ISCA2: variants seen among roughly 807,000 people sequenced by gnomAD.
ISCA2 encodes iron-sulfur cluster assembly 2, also known as iron-sulfur cluster assembly 2 homolog, mitochondrial.
In ISCA2, 21 loss-of-function variants were observed where a neutral mutation model predicts 19.1. The observed-to-expected ratio is 1.10, with a 90% CI of 0.78 to 1.59. The LOEUF is 1.59. Ranked by LOEUF, ISCA2 falls within the 40% of genes most tolerant of loss-of-function variation. ISCA2 has a pLI of 0.00. For synonymous variants in ISCA2, 107 were observed against 83.8 expected (o/e 1.28, Z -1.51); for missense variants, 181 against 191.7 (o/e 0.94, Z 0.33).
chr14:74,494,029 A>C (rs1356787345), intron 1 of ISCA2, 21 bp from the exon 2 acceptor site: 4 of 1,526,634 alleles, frequency 2.6e-6, no homozygotes, highest in Non-Finnish European at 3.5e-6. Flanking sequence ...TCCCGGGCTC[A>C]CCCTCCTCCC....
chr14:74,495,163 A>T lies in ISCA2; in HGVS notation c.*163A>T. On this transcript the variant is annotated 3_prime_UTR_variant, in exon 4 of 4. Coordinates refer to ENST00000556816, the MANE Select transcript of ISCA2 (RefSeq NM_194279.4). Reference sequence around the variant, plus strand: ...CCACTATTATTTTCAGAATGTGAAGATTTTACTCTTGGCTTAATTTTTCCC... The same window carrying T: ...CCACTATTATTTTCAGAATGTGAAGTTTTTACTCTTGGCTTAATTTTTCCC... 1 of 608,398 alleles carries T rather than the reference A, an allele frequency of 1.6e-6. No individual in the cohort carries two copies. 37.7% of individuals were successfully genotyped at this position (608,398 alleles called of 1,614,324 possible). A position where few individuals can be genotyped will look rare whatever the true frequency, so the allele number is the denominator to read the frequency against.
At position 74,496,435 on chromosome 14, in the gene ISCA2, G is replaced by A. The variant is rs2086847160; in HGVS notation, c.*1435G>A. Reference sequence around the variant, plus strand: ...ATCATGCGGTTAGAGGAGAGAAGGGGACACTCAGAAACCTGAGCACATTTC... The same window carrying A: ...ATCATGCGGTTAGAGGAGAGAAGGGAACACTCAGAAACCTGAGCACATTTC... On this transcript the variant is annotated 3_prime_UTR_variant, in exon 4 of 4. Coordinates refer to ENST00000556816, the MANE Select transcript of ISCA2 (RefSeq NM_194279.4). The A allele has an allele frequency of 6.6e-6, 1 of 152,192 alleles. No individual in the cohort carries two copies. Among genetic ancestry groups the A allele is most frequent in the Non-Finnish European group, 1.5e-5 (1 of 68,034 alleles). 9.4% of individuals were successfully genotyped at this position (152,192 alleles called of 1,614,324 possible).
chr14:74,494,194 C>A, intron 2 of ISCA2, 42 bp downstream of exon 2: 1 of 1,564,818 alleles, frequency 6.4e-7, no homozygotes, highest in Non-Finnish European at 8.7e-7. Context: ...AGGCGATTGG[C>A]GGGAGCAGCG....
Position 74,494,771 on chromosome 14 carries a change from G to A in ISCA2, c.291-55G>A, listed in dbSNP as rs2086827778. On this transcript the variant is annotated intron_variant, in intron 3 of 3. Coordinates refer to ENST00000556816, the MANE Select transcript of ISCA2 (RefSeq NM_194279.4). ...GAGGATGTGCACCTCTGGGCTCAGG[G>A]GGTGTCTTTTTTGTGTTTGCGATAC... 4 of 1,501,084 alleles carry A rather than the reference G, an allele frequency of 2.7e-6. No individual in the cohort carries two copies. In the Admixed American group the frequency reaches 7.1e-5, roughly 27 times the overall value. 93.0% of individuals were successfully genotyped at this position (1,501,084 alleles called of 1,614,324 possible).
Position 74,495,275 on chromosome 14 carries a change from C to A in ISCA2, c.*275C>A. On this transcript the variant is annotated 3_prime_UTR_variant, in exon 4 of 4. Coordinates refer to ENST00000556816, the MANE Select transcript of ISCA2 (RefSeq NM_194279.4). ...AACTCCGTATAATCTGTAGAGCCTCCATGGCTCTAAAATTTGGAATTAACT... is the reference window on the plus strand; with the variant it reads ...AACTCCGTATAATCTGTAGAGCCTCAATGGCTCTAAAATTTGGAATTAACT... 3.1e-6 allele frequency: 1 copy of A among 323,454 alleles called. No individual in the cohort carries two copies. The highest frequency in any genetic ancestry group is 6.8e-5 in the South Asian group (1 of 14,720). 20.0% of individuals were successfully genotyped at this position (323,454 alleles called of 1,614,324 possible).
Position 74,494,942 on chromosome 14 carries a change from A to G in ISCA2, c.407A>G (p.Asn136Ser). The stretch of plus-strand genomic sequence containing the variant: ...ATCCGAAGCTCATTTCAAGTGTTGA[A>G]CAATCCTCAAGCACAGCAAGGCTGC... ...ELIRSSFQVL[N>S]NPQAQQGCSC... The change falls in exon 4 of 4, where the codon AAC becomes AGC. Residue 136 changes from asparagine (N) to serine (S), a missense_variant. Physicochemically the swap from Asn to Ser is conservative, Grantham distance 46 (BLOSUM62 1). Coordinates refer to ENST00000556816, the MANE Select transcript of ISCA2 (RefSeq NM_194279.4). The G allele has an allele frequency of 6.2e-7, 1 of 1,613,924 alleles. No individual in the cohort carries two copies. The highest frequency in any genetic ancestry group is 8.5e-7 in the Non-Finnish European group (1 of 1,180,004).
At position 74,496,880 on chromosome 14, in the gene ISCA2, C is replaced by G. The variant is rs989225655; in HGVS notation, c.*1880C>G. 2 of 147,062 alleles carry G rather than the reference C, an allele frequency of 1.4e-5. No individual in the cohort carries two copies. The highest frequency in any genetic ancestry group is 3.0e-5 in the Non-Finnish European group (2 of 66,280). 9.1% of individuals were successfully genotyped at this position (147,062 alleles called of 1,614,324 possible). On this transcript the variant is annotated 3_prime_UTR_variant, in exon 4 of 4. Transcript: ENST00000556816. ...CCTGTGATCCCAGCACTTTGGGAGG[C>G]CAAAGCAGGCAGATCACCTGAGGTC...
rs188369908 is a variant in ISCA2, at chr14:74,495,022, G to A, written c.*22G>A. 7 of 1,572,346 alleles carry A rather than the reference G, an allele frequency of 4.5e-6. No homozygotes were observed. The Admixed American group carries it at 8.4e-5, about 19-fold the overall frequency. ...TTGATGTGATGACTGGTGACTCTGGGATTGTCACCAGTTGTACCAATTTGA... is the reference window on the plus strand; with the variant it reads ...TTGATGTGATGACTGGTGACTCTGGAATTGTCACCAGTTGTACCAATTTGA... On this transcript the variant is annotated 3_prime_UTR_variant, in exon 4 of 4. Coordinates refer to ENST00000556816, the MANE Select transcript of ISCA2 (RefSeq NM_194279.4).
rs2086809725 is a variant in ISCA2, at chr14:74,493,791, G to A, written c.17G>A (p.Gly6Glu). The A allele has an allele frequency of 2.0e-6, 3 of 1,533,268 alleles. No homozygotes were observed. The highest frequency in any genetic ancestry group is 4.8e-5 in the Admixed American group (2 of 41,460). 95.0% of individuals were successfully genotyped at this position (1,533,268 alleles called of 1,614,324 possible). ...TGGAGGAAGATGGCTGCCGCCTGGG[G>A]GTCGTCCCTAACGGCCGCGACGCAG... Reference protein sequence around the residue: MAAAWGSSLTAATQRA... With the variant: MAAAWESSLTAATQRA... Residue 6 changes from glycine to glutamate, a missense_variant, in exon 1 of 4, where the codon GGG becomes GAG. Coordinates refer to ENST00000556816, the MANE Select transcript of ISCA2 (RefSeq NM_194279.4). The surrounding 1 kb of genome is among the most constrained non-coding windows in gnomAD (Gnocchi z 4.1).
chr14:74,494,182 C>G, intron 2 of ISCA2, 30 bp downstream of exon 2: 2 of 1,587,254 alleles, frequency 1.3e-6, no homozygotes, highest in South Asian at 1.1e-5. Context: ...GCGGCGGTAC[C>G]CAGGCGATTG....
chr14:74,495,086 A>AG lies in ISCA2; in HGVS notation c.*86_*87insG. 8 of 967,670 alleles carry AG rather than the reference A, an allele frequency of 8.3e-6. No homozygotes were observed. Among genetic ancestry groups the AG allele is most frequent in the Non-Finnish European group, 1.3e-5 (8 of 632,840 alleles). 59.9% of individuals were successfully genotyped at this position (967,670 alleles called of 1,614,324 possible). A position where few individuals can be genotyped will look rare whatever the true frequency, so the allele number is the denominator to read the frequency against. On this transcript the variant is annotated 3_prime_UTR_variant, in exon 4 of 4. Coordinates refer to ENST00000556816, the MANE Select transcript of ISCA2 (RefSeq NM_194279.4). ...AGTAGAATTCTAGAAGTTTACTTCTAATCATGTCCCTCTCAATTTTATTTC... is the reference window on the plus strand; with the variant it reads ...AGTAGAATTCTAGAAGTTTACTTCTAGATCATGTCCCTCTCAATTTTATTTC...
intron 3 of ISCA2, 122 bp downstream of exon 3, chr14:74,494,512 C>T: frequency 1.4e-6 from 1 of 722,432 alleles, no homozygotes; most frequent in South Asian, 1.7e-5. Flanking sequence ...CCGCCCGTCT[C>T]ACAGTGAGGA....
rs376944206 is a variant in ISCA2 at position 74,494,268 on chromosome 14, A to C, written c.175-7A>C. The stretch of plus-strand genomic sequence containing the variant: ...CGCTATTCTTGATCCCCCTTCCTGC[A>C]TTTCAGAGGCTTTTGGAAATCACCG... On this transcript the variant is annotated splice_region_variant and splice_polypyrimidine_tract_variant and intron_variant, in intron 2 of 3. Transcript: ENST00000556816. 3 of 1,612,510 alleles carry C rather than the reference A, an allele frequency of 1.9e-6. No homozygotes were observed. The highest frequency in any genetic ancestry group is 2.5e-6 in the Non-Finnish European group (3 of 1,178,640).
chr14:74,494,145 GC>G lies in ISCA2; in HGVS notation c.168del (p.Cys56TrpfsTer61). 1 of 1,588,842 alleles carries G rather than the reference GC, an allele frequency of 6.3e-7. No individual in the cohort carries two copies. Among genetic ancestry groups the G allele is most frequent in the Non-Finnish European group, 8.6e-7 (1 of 1,167,936 alleles). ...GEGQIRLTDS[C>X]VQRLLEITEG... Reference sequence around the variant, plus strand: ...GGGCAGATCCGCCTCACAGACAGTTGCGTCCAGGTAGGAGGCCGGACGCGGA... The same window carrying G: ...GGGCAGATCCGCCTCACAGACAGTTGGTCCAGGTAGGAGGCCGGACGCGGA... On this transcript the variant is annotated frameshift_variant, in exon 2 of 4. Coordinates refer to ENST00000556816, the MANE Select transcript of ISCA2 (RefSeq NM_194279.4). LOFTEE classifies it high-confidence loss of function.
rs996954656 is a variant in ISCA2, at chr14:74,496,248, G to T, written c.*1248G>T. On this transcript the variant is annotated 3_prime_UTR_variant, in exon 4 of 4. Transcript: ENST00000556816. ...CTTTTGCTTGGGAGCCTAGAAGTTT[G>T]TTACAGTAAAGACTTGCATTTCTGC... The T allele has an allele frequency of 3.9e-5, 6 of 152,176 alleles. No homozygotes were observed. The highest frequency in any genetic ancestry group is 1.4e-4 in the African/African-American group (6 of 41,436). 9.4% of individuals were successfully genotyped at this position (152,176 alleles called of 1,614,324 possible). A position where few individuals can be genotyped will look rare whatever the true frequency, so the allele number is the denominator to read the frequency against.
At position 74,494,097 on chromosome 14, in the gene ISCA2, C is replaced by T. The variant is rs1351959603; in HGVS notation, c.119C>T (p.Ser40Phe). 4 of 1,569,892 alleles carry T rather than the reference C, an allele frequency of 2.5e-6. No individual in the cohort carries two copies. Among genetic ancestry groups the T allele is most frequent in the South Asian group, 2.3e-5 (2 of 86,596 alleles). ...CCCCAGGCGCGTCGGGAGGCGTCGTCCTCCAGCCCCGAGGCCGGCGAAGGG... is the reference window on the plus strand; with the variant it reads ...CCCCAGGCGCGTCGGGAGGCGTCGTTCTCCAGCCCCGAGGCCGGCGAAGGG... ...LGPQARREAS[S>F]SSPEAGEGQI... The change falls in exon 2 of 4, where the codon TCC (serine) becomes TTC (phenylalanine). Residue 40 changes from serine (S) to phenylalanine (F), a missense_variant. Coordinates refer to ENST00000556816, the MANE Select transcript of ISCA2 (RefSeq NM_194279.4).
In ISCA2 at chr14:74,495,251, A is replaced by C; in HGVS notation, c.*251A>C. ...ACCTCAGATTTAATCACTGGTTGAA[A>C]CTCCGTATAATCTGTAGAGCCTCCA... is the stretch of plus-strand genomic sequence containing the variant. On this transcript the variant is annotated 3_prime_UTR_variant, in exon 4 of 4. Transcript: ENST00000556816. 4.8e-6 allele frequency: 2 copies of C among 414,832 alleles called. No individual in the cohort carries two copies. Among genetic ancestry groups the C allele is most frequent in the Non-Finnish European group, 4.3e-6 (1 of 232,372 alleles). 25.7% of individuals were successfully genotyped at this position (414,832 alleles called of 1,614,324 possible).
Position 74,495,014 on chromosome 14 carries a change from G to A in ISCA2, c.*14G>A. ...ATCAAACTTTGATGTGATGACTGGT[G>A]ACTCTGGGATTGTCACCAGTTGTAC... On this transcript the variant is annotated 3_prime_UTR_variant, in exon 4 of 4. Transcript: ENST00000556816. The A allele has an allele frequency of 6.2e-7, 1 of 1,602,356 alleles. No homozygotes were observed. The highest frequency in any genetic ancestry group is 8.5e-7 in the Non-Finnish European group (1 of 1,171,514).
rs2086830622 is a variant in ISCA2, at chr14:74,494,916, G to A, written c.381G>A (p.Leu127=). The part of the protein sequence containing the change: ...KGAQVDFSQE[L]IRSSFQVLNN... ...CCCAGGTGGACTTCAGCCAAGAACT[G>A]ATCCGAAGCTCATTTCAAGTGTTGA... The change falls in exon 4 of 4, where the codon CTG becomes CTA. Residue 127 remains leucine (L), a synonymous_variant. Coordinates refer to ENST00000556816, the MANE Select transcript of ISCA2 (RefSeq NM_194279.4). 2 of 1,614,086 alleles carry A rather than the reference G, an allele frequency of 1.2e-6. No homozygotes were observed. Among genetic ancestry groups the A allele is most frequent in the Middle Eastern group, 1.7e-4 (1 of 6,048 alleles).
Sources: allele counts gnomAD v4.1 joint callset, GRCh38; gene constraint gnomAD v4.1.1; non-coding constraint Gnocchi (gnomAD v3.1); transcripts MANE v1.5; gene names NCBI Gene and HGNC (gene_info 2026-07-23, HGNC 2026-07-21).